Variants in MID1 observed in about 807,000 individuals in gnomAD.
MID1 encodes the protein midline 1, also known as E3 ubiquitin-protein ligase Midline-1.
A neutral mutation model predicts 40.4 loss-of-function variants in MID1; 7 were observed. The ratio of observed to expected loss-of-function variants is 0.17; its 90% CI spans 0.10 to 0.33. The LOEUF is 0.33. MID1 is among the 10% of genes least tolerant of loss of function. The pLI, the probability that MID1 is intolerant of heterozygous loss-of-function variation, is 1.00. For missense variants in MID1, 367 were observed against 558.5 expected, an observed-to-expected ratio of 0.66 and a Z score of 3.46; for synonymous variants, 229 against 221.2, an observed-to-expected ratio of 1.04 and a Z score of -0.31.
chrX:10,548,863 A>G (rs1366817761), intron 2 of MID1, among the ~76,000 whole-genome samples: 20 of 112,311 alleles, frequency 1.8e-4, no homozygotes. Flanking sequence ...AAATTTACTC[A>G]GATGTATTCA....
At position 10,529,819 on chromosome X, in the gene MID1, T is replaced by A. The variant is rs1249754675; in HGVS notation, c.661-6632A>T. On this transcript the variant is annotated intron_variant, in intron 2 of 9. Coordinates refer to ENST00000317552, the MANE Select transcript of MID1 (RefSeq NM_000381.4). Reference sequence around the variant, plus strand: ...GTATACCCATCATTGCTTAGTCCCTTCCCACCGTACACCCTTAAATATGCA... The same window carrying A: ...GTATACCCATCATTGCTTAGTCCCTACCCACCGTACACCCTTAAATATGCA... Among the ~76,000 whole-genome samples the A allele has an allele frequency of 3.4e-3, 381 of 112,128 alleles. 1 individual carries two copies. The highest frequency in any genetic ancestry group is 0.014 in the Middle Eastern group (3 of 216).
At chrX:10,467,091 T>C (rs967930997) in intron 7 of MID1, among the ~76,000 whole-genome samples, 2 of 111,086 alleles carry the variant, frequency 1.8e-5, no homozygotes, top group Non-Finnish European at 1.9e-5. Flanking sequence ...TAAACATCTA[T>C]AGAAGATGGG....
intron 3 of MID1, among the ~76,000 whole-genome samples, chrX:10,513,750 C>T (rs1193985300): frequency 8.9e-6 from 1 of 112,042 alleles, no homozygotes; most frequent in Non-Finnish European, 1.9e-5. Flanking sequence ...CTCAGGTGAT[C>T]CACCCACTTT....
intron 1 of MID1, among the ~76,000 whole-genome samples, chrX:10,683,431 A>C (rs2043072329): frequency 9.0e-6 from 1 of 110,855 alleles, no homozygotes; most frequent in Non-Finnish European, 1.9e-5. Context: ...AGTTGCAGCT[A>C]CTCGGGAGAC....
chrX:10,681,248 T>C, intron 1 of MID1, among the ~76,000 whole-genome samples: 1 of 111,263 alleles, frequency 9.0e-6, no homozygotes, highest in South Asian at 3.9e-4. Context: ...TCCTTTTATC[T>C]ACTGCTGCAT....
chrX:10,476,784 T>C (rs1930039082), intron 5 of MID1, among the ~76,000 whole-genome samples: 1 of 111,781 alleles, frequency 8.9e-6, no homozygotes, highest in Admixed American at 9.5e-5. Context: ...TGAGTGCTTT[T>C]GTTGACTAAA....
intron 1 of MID1, among the ~76,000 whole-genome samples, chrX:10,820,142 T>G: frequency 8.9e-6 from 1 of 112,200 alleles, no homozygotes; most frequent in Non-Finnish European, 1.9e-5. Context: ...AGTGATAGTC[T>G]TTGCTGTCCT....
At chrX:10,756,839 C>T (rs1215188294) in intron 1 of MID1, among the ~76,000 whole-genome samples, 1 of 111,894 alleles carries the variant, frequency 8.9e-6, no homozygotes, top group African/African-American at 3.2e-5. Context: ...GACAAGTGTG[C>T]AGAATTCACT....
rs1212455132 is a variant in MID1, at chrX:10,756,927, T to C, written c.-187+76627A>G. 2.7e-5 allele frequency among the ~76,000 whole-genome samples: 3 copies of C among 111,518 alleles called. No homozygotes were observed. In the East Asian group the frequency reaches 8.5e-4, roughly 31 times the overall value. On this transcript the variant is annotated intron_variant, in intron 1 of 10. Transcript: ENST00000380785. ...GTTACCTCTCTGTTGTCCTAAGAAA[T>C]TGAAGGTGCTCTCACCATGTTTGAA...
At chrX:10,567,708 G>GCAGAAA in intron 1 of MID1, 105 bp from the exon 2 acceptor site, 1 of 530,328 alleles carries the variant, frequency 1.9e-6, no homozygotes. Flanking sequence ...GGTCATGAAA[G>GCAGAAA]GGTAAGTGTG....
At chrX:10,707,105 A>G (rs1158172848) in intron 1 of MID1, among the ~76,000 whole-genome samples, 1 of 111,202 alleles carries the variant, frequency 9.0e-6, no homozygotes, top group Non-Finnish European at 1.9e-5. Context: ...TGGCAGGTTA[A>G]CTCTTGCGAT....
intron 1 of MID1, among the ~76,000 whole-genome samples, chrX:10,711,872 G>A (rs2043270369): frequency 1.8e-5 from 2 of 112,133 alleles, no homozygotes; most frequent in Admixed American, 1.9e-4. Context: ...ATCTGGCAAT[G>A]TCTAGAACAT....
In MID1 at chrX:10,459,554, CAA is replaced by C. The variant is rs774789547; in HGVS notation, c.1447+90_1447+91del. The C allele has an allele frequency of 1.7e-4, 170 of 1,013,816 alleles. 2 individuals carry two copies. The South Asian group carries it at 3.1e-3, about 19-fold the overall frequency. The allele number at this position is 1,013,816 out of a possible 1,213,427, so 83.5% of individuals were successfully genotyped here. A position where few individuals can be genotyped will look rare whatever the true frequency, so the allele number is the denominator to read the frequency against. Reference sequence around the variant, plus strand: ...GTTTTGGGGGGCTGTCAATGATACCCAAGACAGAGAAAAGGAAAAGAAAGGGG... The same window carrying C: ...GTTTTGGGGGGCTGTCAATGATACCCGACAGAGAAAAGGAAAAGAAAGGGG... On this transcript the variant is annotated intron_variant, in intron 8 of 9. Coordinates refer to ENST00000317552, the MANE Select transcript of MID1 (RefSeq NM_000381.4).
intron 1 of MID1, among the ~76,000 whole-genome samples, chrX:10,603,983 G>T (rs1462145269): frequency 1.8e-5 from 2 of 111,707 alleles, no homozygotes; most frequent in African/African-American, 6.5e-5. Flanking sequence ...AGCTACAATG[G>T]TTCAATCCCA....
In MID1 at chrX:10,540,882, T is replaced by C. The variant is rs186068455; in HGVS notation, c.661-17695A>G. Among the ~76,000 whole-genome samples, 202 of 112,009 alleles carry C rather than the reference T, an allele frequency of 1.8e-3. 1 individual carries two copies. The highest frequency in any genetic ancestry group is 3.2e-3 in the Non-Finnish European group (169 of 53,153). ...AATATTTGCTAAAGAAATGGGCAGGTAGATGGGTGAGTAGGTGGATAACGG... is the reference window on the plus strand; with the variant it reads ...AATATTTGCTAAAGAAATGGGCAGGCAGATGGGTGAGTAGGTGGATAACGG... On this transcript the variant is annotated intron_variant, in intron 2 of 9. Transcript: ENST00000317552.
At chrX:10,683,697 AG>A (rs1451240828) in intron 1 of MID1, among the ~76,000 whole-genome samples, 2 of 104,914 alleles carry the variant, frequency 1.9e-5, no homozygotes, top group Non-Finnish European at 3.9e-5. Flanking sequence ...ATGTGCTTGT[AG>A]GAGTTGAAGA....
At chrX:10,814,867 G>C (rs759563948) in intron 1 of MID1, among the ~76,000 whole-genome samples, 1 of 111,802 alleles carries the variant, frequency 8.9e-6, no homozygotes, top group South Asian at 3.7e-4. Flanking sequence ...GTTGTTGCAT[G>C]TATCAGTAGT....
chrX:10,597,715 C>T (rs1429637590), intron 1 of MID1, among the ~76,000 whole-genome samples: 1 of 112,061 alleles, frequency 8.9e-6, no homozygotes, highest in East Asian at 2.8e-4. Context: ...GTAAACACTG[C>T]ACTACAGCAT....
chrX:10,510,830 C>CAAAAAAAAAAAAAAAAAAAAAAAA (rs1185825614), intron 3 of MID1, among the ~76,000 whole-genome samples: 1 of 23,946 alleles, frequency 4.2e-5, no homozygotes, highest in African/African-American at 1.5e-4. Context: ...GACTCTGTCT[C>CAAAAAAAAAAAAAAAAAAAAAAAA]AAAAAAAAAA....
Sources: allele counts gnomAD v4.1 joint callset (sites outside exome capture counted in the v4.1 genomes callset), GRCh38; gene constraint gnomAD v4.1.1; transcripts MANE v1.5; gene names NCBI Gene and HGNC (gene_info 2026-07-23, HGNC 2026-07-21).